Variants in SYNE3 observed in about 807,000 individuals in gnomAD.
SYNE3 encodes the protein nesprin-3.
A neutral mutation model predicts 111.2 loss-of-function variants in SYNE3; 100 were observed. That is an observed-to-expected ratio of 0.90 (90% CI 0.77 to 1.06). SYNE3 has a LOEUF of 1.06. Ranked by LOEUF, SYNE3 falls within the 50% of genes least tolerant of loss-of-function variation. The pLI is 0.00. For synonymous variants in SYNE3, 547 were observed against 533.9 expected (o/e 1.02, Z -0.34); for missense variants, 1,160 against 1,240.3 (o/e 0.94, Z 0.97).
chr14:95,457,448 G>A, intron 4 of SYNE3, 110 bp from the exon 5 acceptor site: 3 of 1,308,112 alleles, frequency 2.3e-6, no homozygotes, highest in Non-Finnish European at 3.2e-6. Context: ...GTGTGTGTTA[G>A]CAGGGGGTGC....
intron 1 of SYNE3, among the ~76,000 whole-genome samples, chr14:95,513,965 G>A (rs577715308): frequency 4.0e-5 from 6 of 151,854 alleles, no homozygotes; most frequent in Admixed American, 6.6e-5. Context: ...ACATCCAGCC[G>A]CTGGATATCA....
chr14:95,429,918 C>T, intron 17 of SYNE3: 3 of 970,908 alleles, frequency 3.1e-6, no homozygotes, highest in Non-Finnish European at 3.6e-6. Flanking sequence ...GTACAGTCTA[C>T]AGGACAGGTC....
At chr14:95,464,036 C>A (rs866187076) in intron 4 of SYNE3, among the ~76,000 whole-genome samples, 2 of 152,336 alleles carry the variant, frequency 1.3e-5, no homozygotes, top group African/African-American at 4.8e-5. Context: ...GCCTGGAATC[C>A]AAGTCCCTTC....
chr14:95,489,417 C>T (rs1889726503), intron 1 of SYNE3, among the ~76,000 whole-genome samples: 1 of 152,248 alleles, frequency 6.6e-6, no homozygotes, highest in African/African-American at 2.4e-5. Context: ...AGTCCAACTC[C>T]TCTGAACTCT....
rs772015289 is a variant in SYNE3 at position 95,445,978 on chromosome 14, C to T, written c.1563G>A (p.Gln521=). 3 of 1,614,164 alleles carry T rather than the reference C, an allele frequency of 1.9e-6. No individual in the cohort carries two copies. Among genetic ancestry groups the T allele is most frequent in the Non-Finnish European group, 2.5e-6 (3 of 1,180,042 alleles). Reference sequence around the variant, plus strand: ...CTCTGTCCCTCATGGAACCTGCCACCTGCTCCAGGAGTGCCGTGGCTCTCT... The same window carrying T: ...CTCTGTCCCTCATGGAACCTGCCACTTGCTCCAGGAGTGCCGTGGCTCTCT... ...GQERATALLE[Q]VAGSMRDRDL... The change falls in exon 9 of 18, where the codon CAG becomes CAA. Residue 521 remains glutamine, a synonymous_variant. Coordinates refer to ENST00000682763, the MANE Select transcript of SYNE3 (RefSeq NM_152592.6).
At chr14:95,423,780 A>ATTTGATGGGGATGGGGG (rs1885280309) in intron 17 of SYNE3, among the ~76,000 whole-genome samples, 1 of 83,822 alleles carries the variant, frequency 1.2e-5, no homozygotes, top group Non-Finnish European at 2.4e-5. Flanking sequence ...GGGGATGGGG[A>ATTTGATGGGGATGGGGG]TTTGATGGGG....
intron 4 of SYNE3, among the ~76,000 whole-genome samples, chr14:95,464,278 G>A (rs1424980287): frequency 2.6e-5 from 4 of 152,146 alleles, no homozygotes; most frequent in African/African-American, 7.2e-5. Context: ...AAAGATGCCC[G>A]GGAAACCACC....
At chr14:95,511,471 TGGGTGG>T (rs1210026918) in intron 1 of SYNE3, among the ~76,000 whole-genome samples, 1 of 152,024 alleles carries the variant, frequency 6.6e-6, no homozygotes, top group African/African-American at 2.4e-5. Context: ...GAGACCGAGG[TGGGTGG>T]ATCACGAGGT....
At chr14:95,490,073 G>A (rs1477836779) in intron 1 of SYNE3, among the ~76,000 whole-genome samples, 2 of 152,226 alleles carry the variant, frequency 1.3e-5, no homozygotes, top group East Asian at 3.8e-4. Context: ...TCTGAGACGA[G>A]TGAGCTTTAA....
At chr14:95,457,742 C>T (rs1444301612) in intron 4 of SYNE3, among the ~76,000 whole-genome samples, 1 of 152,182 alleles carries the variant, frequency 6.6e-6, no homozygotes, top group African/African-American at 2.4e-5. Context: ...CATATATGAG[C>T]TCAGTGAAGT....
chr14:95,456,880 C>T (rs529496979), intron 5 of SYNE3, among the ~76,000 whole-genome samples: 260 of 152,164 alleles, frequency 1.7e-3, no homozygotes, highest in African/African-American at 5.9e-3. Flanking sequence ...GTCAGGAGAT[C>T]GAGACCATCC....
At position 95,409,928 on chromosome 14, in the gene SYNE3, A is replaced by G. The variant is rs1475736424; in HGVS notation, c.*7898T>C. 1 of 157,910 alleles carries G rather than the reference A, an allele frequency of 6.3e-6. No individual in the cohort carries two copies. The highest frequency in any genetic ancestry group is 1.9e-4 in the East Asian group (1 of 5,328). 9.8% of individuals were successfully genotyped at this position (157,910 alleles called of 1,614,324 possible). ...GGCCTGGAAAGGCTCAGAGATCCTC[A>G]TTTTCCAAGATTTGCACCCAGGAGC... On this transcript the variant is annotated 3_prime_UTR_variant, in exon 18 of 18. Transcript: ENST00000682763.
rs781192447 is a variant in SYNE3, at chr14:95,492,573, G to T, written c.-14-16738C>A. 3.3e-5 allele frequency among the ~76,000 whole-genome samples: 5 copies of T among 152,226 alleles called. No homozygotes were observed. In the South Asian group the frequency reaches 1.0e-3, roughly 32 times the overall value. On this transcript the variant is annotated intron_variant, in intron 1 of 17. Transcript: ENST00000682763. ...AATGTGTAGAACAGGCAAATTTACA[G>T]AGGCAGAAAGTAGATTAGTGGTTTC...
intron 1 of SYNE3, among the ~76,000 whole-genome samples, chr14:95,508,631 G>A (rs1274515182): frequency 2.0e-5 from 3 of 152,336 alleles, no homozygotes; most frequent in East Asian, 1.9e-4. Context: ...CGGTGTGGCC[G>A]GGGGAGGCAC....
intron 1 of SYNE3, among the ~76,000 whole-genome samples, chr14:95,495,037 G>A (rs1282359277): frequency 6.6e-6 from 1 of 151,946 alleles, no homozygotes; most frequent in Non-Finnish European, 1.5e-5. Flanking sequence ...GCTTGAACCT[G>A]GGAGGCGGAG....
intron 17 of SYNE3, among the ~76,000 whole-genome samples, chr14:95,427,282 C>T (rs1051393536): frequency 1.3e-5 from 2 of 152,130 alleles, no homozygotes; most frequent in African/African-American, 2.4e-5. Flanking sequence ...CAAGGGGAAA[C>T]ACCCGCCACT....
intron 4 of SYNE3, among the ~76,000 whole-genome samples, chr14:95,464,746 G>T (rs141507985): frequency 9.2e-5 from 14 of 152,346 alleles, no homozygotes; most frequent in Admixed American, 2.6e-4. Context: ...TTCTGCAGAT[G>T]CATCCTGCTT....
intron 1 of SYNE3, among the ~76,000 whole-genome samples, chr14:95,489,748 T>C (rs764414238): frequency 1.6e-4 from 23 of 141,806 alleles, no homozygotes; most frequent in Non-Finnish European, 2.7e-4. Context: ...CATGCCTGGC[T>C]TATTTTTTTT....
intron 17 of SYNE3, chr14:95,429,853 A>C: frequency 1.2e-6 from 1 of 841,954 alleles, no homozygotes; most frequent in Non-Finnish European, 1.4e-6. Flanking sequence ...ACTGAGCAAC[A>C]TCAGCTGGAC....
Sources: gnomAD v4.1 joint callset for allele counts (sites outside exome capture counted in the v4.1 genomes callset) on GRCh38, gnomAD v4.1.1 for gene constraint, MANE v1.5 for transcripts, NCBI Gene and HGNC (gene_info 2026-07-23, HGNC 2026-07-21) for gene names.